Variants in SCAF8 observed in about 807,000 individuals in gnomAD.
SCAF8 encodes the protein SR-related CTD associated factor 8, also known as SR-related and CTD-associated factor 8.
A neutral mutation model predicts 140.5 loss-of-function variants in SCAF8; 23 were observed. That is an observed-to-expected ratio of 0.16 (90% confidence interval 0.12 to 0.23). The LOEUF (loss-of-function observed/expected upper bound fraction) is 0.23. Ranked by LOEUF, SCAF8 falls within the 10% of genes least tolerant of loss-of-function variation. The probability of loss-of-function intolerance (pLI) is 1.00; values close to 1 mark genes in which losing one functional copy is unlikely to be tolerated. For missense variants in SCAF8, 1,397 were observed against 1,555.7 expected, an observed-to-expected ratio of 0.90 and a Z score of 1.72; for synonymous variants, 575 against 528.9, an observed-to-expected ratio of 1.09 and a Z score of -1.20.
Position 154,833,486 on chromosome 6 carries a change from G to A in SCAF8, c.*91G>A. On this transcript the variant is annotated 3_prime_UTR_variant, in exon 20 of 20. Coordinates refer to ENST00000367178, the MANE Select transcript of SCAF8 (RefSeq NM_014892.5). ...GACTGGACCATAGTTGTTCACTTTT[G>A]TCTGCCAGAATTAAGTTAATCTGAT... is the stretch of plus-strand genomic sequence containing the variant. The A allele has an allele frequency of 1.6e-6, 2 of 1,258,574 alleles. No homozygotes were observed. The highest frequency in any genetic ancestry group is 3.0e-5 in the South Asian group (2 of 66,334). 78.0% of individuals were successfully genotyped at this position (1,258,574 alleles called of 1,614,324 possible).
chr6:154,805,610 G>C, intron 9 of SCAF8, 124 bp downstream of exon 9: 1 of 432,704 alleles, frequency 2.3e-6, no homozygotes, highest in Non-Finnish European at 4.1e-6. Context: ...CAACTATTTA[G>C]CTTTTACCAG....
At chr6:154,809,976 A>G (rs569379007) in intron 11 of SCAF8, 39 bp from the exon 12 acceptor site, 1 of 1,519,564 alleles carries the variant, frequency 6.6e-7, no homozygotes, top group South Asian at 1.2e-5. Context: ...GGTAGAAAGA[A>G]AACATTGTCA....
At chr6:154,796,432 T>TTGA (rs562086642) in intron 6 of SCAF8, among the ~76,000 whole-genome samples, 65 of 150,530 alleles carry the variant, frequency 4.3e-4, no homozygotes, top group African/African-American at 1.5e-3. Flanking sequence ...ACGCTATCCT[T>TTGA]TGAGGCAGTA....
chr6:154,821,774 G>A (rs115690743), intron 15 of SCAF8, among the ~76,000 whole-genome samples: 90 of 152,316 alleles, frequency 5.9e-4, no homozygotes, highest in African/African-American at 2.1e-3. Context: ...GTACAGAGGA[G>A]CAAAGTCATG....
At chr6:154,790,006 T>C (rs1777367370) in intron 4 of SCAF8, among the ~76,000 whole-genome samples, 1 of 152,226 alleles carries the variant, frequency 6.6e-6, no homozygotes, top group Admixed American at 6.5e-5. Context: ...TGGATTTCTG[T>C]CAGTTCTGGT....
intron 3 of SCAF8, among the ~76,000 whole-genome samples, chr6:154,784,120 G>GATATATATGTGTATATATATATAT (rs1554260630): frequency 5.6e-5 from 6 of 106,884 alleles, no homozygotes; most frequent in African/African-American, 1.6e-4. Context: ...GGTGTCTTGA[G>GATATATATGTGTATATATATATAT]ATATATATAT....
chr6:154,759,093 T>C (rs910596491), intron 1 of SCAF8, among the ~76,000 whole-genome samples: 5 of 152,206 alleles, frequency 3.3e-5, no homozygotes, highest in Non-Finnish European at 7.4e-5. Context: ...GGTTTGACTC[T>C]GGTTTCCAGT....
chr6:154,742,111 A>T (rs1469657605), intron 1 of SCAF8: 1 of 813,280 alleles, frequency 1.2e-6, no homozygotes, highest in Non-Finnish European at 2.0e-6. Context: ...TATGGTTAGT[A>T]CTTGGGAAGC....
chr6:154,829,290 T>C (rs1778659501), intron 18 of SCAF8, among the ~76,000 whole-genome samples: 2 of 152,080 alleles, frequency 1.3e-5, no homozygotes, highest in African/African-American at 4.8e-5. Context: ...TTGGTTTTGA[T>C]ATCTGTATTT....
Position 154,827,219 on chromosome 6 carries a change from A to T in SCAF8, c.2119A>T (p.Ile707Phe). Reference protein sequence around the residue: ...VPPPVVPPPTIPPVVPTSLVQ... With the variant: ...VPPPVVPPPTFPPVVPTSLVQ... ...CCCACCTGTTGTGCCACCCCCTACG[A>T]TTCCACCAGTAGTACCAACATGTAA... Residue 707 changes from isoleucine (I) to phenylalanine (F), a missense_variant, in exon 18 of 20, where the codon ATT (isoleucine) becomes TTT (phenylalanine). By Grantham distance (21) the Ile-to-Phe change is conservative. Around this residue, in one of 5 missense-constraint regions of SCAF8, gnomAD observed 930 missense variants for 874.6 expected, o/e 1.06. Coordinates refer to ENST00000367178, the MANE Select transcript of SCAF8 (RefSeq NM_014892.5). 6.2e-7 allele frequency: 1 copy of T among 1,604,470 alleles called. No homozygotes were observed. The highest frequency in any genetic ancestry group is 8.5e-7 in the Non-Finnish European group (1 of 1,175,992).
chr6:154,744,926 T>C (rs1778659559), intron 1 of SCAF8, among the ~76,000 whole-genome samples: 1 of 152,250 alleles, frequency 6.6e-6, no homozygotes, highest in Admixed American at 6.5e-5. Context: ...TTGCAATTCA[T>C]GGTACCCTTT....
At chr6:154,736,222 G>C (rs1406876177) in intron 1 of SCAF8, among the ~76,000 whole-genome samples, 1 of 145,976 alleles carries the variant, frequency 6.9e-6, no homozygotes, top group East Asian at 2.0e-4. Flanking sequence ...CTTTGGGGGG[G>C]TTCCTAATAA....
chr6:154,801,403 G>A (rs1393889270), intron 6 of SCAF8, among the ~76,000 whole-genome samples: 2 of 151,360 alleles, frequency 1.3e-5, no homozygotes, highest in Admixed American at 6.6e-5. Flanking sequence ...AATGTATATA[G>A]GGTTTTCTTA....
chr6:154,822,186 A>G, intron 15 of SCAF8, 90 bp from the exon 16 acceptor site: 1 of 1,351,886 alleles, frequency 7.4e-7, no homozygotes, highest in Non-Finnish European at 1.0e-6. Flanking sequence ...AAGGTAGATG[A>G]AGGATTTAGA....
intron 1 of SCAF8, among the ~76,000 whole-genome samples, chr6:154,761,723 T>G (rs567680487): frequency 6.6e-6 from 1 of 152,246 alleles, no homozygotes; most frequent in Non-Finnish European, 1.5e-5. Context: ...TTTAAAGTTT[T>G]ATTTTAAATA....
chr6:154,825,506 T>C (rs1778539771), intron 17 of SCAF8, among the ~76,000 whole-genome samples: 1 of 151,400 alleles, frequency 6.6e-6, no homozygotes, highest in Admixed American at 6.6e-5. Flanking sequence ...ACACCCTGTC[T>C]GTACAAAAAA....
At chr6:154,807,140 T>C (rs559984004) in intron 9 of SCAF8, among the ~76,000 whole-genome samples, 19 of 152,318 alleles carry the variant, frequency 1.2e-4, no homozygotes, top group African/African-American at 4.1e-4. Flanking sequence ...CTTAGCAGAA[T>C]CAAGTAGTCT....
intron 12 of SCAF8, among the ~76,000 whole-genome samples, chr6:154,813,772 G>C (rs1778163760): frequency 6.6e-6 from 1 of 152,122 alleles, no homozygotes; most frequent in African/African-American, 2.4e-5. Flanking sequence ...TACATAAGAG[G>C]GAAGCAAGTA....
rs1473157031 is a variant in SCAF8 at position 154,733,467 on chromosome 6, G to A, written c.-434G>A. On this transcript the variant is annotated 5_prime_UTR_variant, in exon 1 of 20. Coordinates refer to ENST00000367178, the MANE Select transcript of SCAF8 (RefSeq NM_014892.5). The stretch of plus-strand genomic sequence containing the variant: ...CAGCGCTTCCTCCTCTGTCTTCGCC[G>A]AGCGGGGCTGGTTCCTGCGGCCCGA... 3.7e-6 allele frequency: 5 copies of A among 1,366,048 alleles called. No individual in the cohort carries two copies. The highest frequency in any genetic ancestry group is 7.1e-5 in the Admixed American group (2 of 28,364). The allele number at this position is 1,366,048 out of a possible 1,614,324, so 84.6% of individuals were successfully genotyped here.
Sources: allele counts gnomAD v4.1 joint callset (sites outside exome capture counted in the v4.1 genomes callset), GRCh38; gene constraint gnomAD v4.1.1; regional missense constraint gnomAD v4.1.1; transcripts MANE v1.5; gene names NCBI Gene and HGNC (gene_info 2026-07-23, HGNC 2026-07-21).